Variants in FAM234B observed in about 807,000 individuals in gnomAD.
The protein encoded by FAM234B is family with sequence similarity 234 member B, also known as protein FAM234B.
FAM234B carries 33 observed loss-of-function variants against 69.3 expected under a neutral mutation model. The observed-to-expected ratio is 0.48, with a 90% confidence interval of 0.36 to 0.64. The LOEUF is 0.64. Among genes scored for constraint, FAM234B ranks in the 30% least tolerant of loss-of-function variants. The pLI is 0.00. For synonymous variants in FAM234B, 306 were observed against 306.9 expected (o/e 1.00, Z 0.03); for missense variants, 697 against 769.7 (o/e 0.91, Z 1.12).
chr12:13,057,059 G>T (rs1864937959), intron 2 of FAM234B, among the ~76,000 whole-genome samples: 1 of 151,024 alleles, frequency 6.6e-6, no homozygotes, highest in Non-Finnish European at 1.5e-5. Flanking sequence ...CTTACTGCAG[G>T]CTTCACCTCC....
chr12:13,075,761 T>G (rs1281033764), intron 10 of FAM234B, among the ~76,000 whole-genome samples: 1 of 152,004 alleles, frequency 6.6e-6, no homozygotes. Flanking sequence ...AGGCCTGCCT[T>G]CCTTTTTTTT....
chr12:13,068,569 G>C lies in FAM234B; in HGVS notation c.1287-61G>C, dbSNP rs899878668. The C allele has an allele frequency of 1.9e-6, 3 of 1,582,912 alleles. No individual in the cohort carries two copies. In the African/African-American group the frequency reaches 4.1e-5, roughly 21 times the overall value. ...GCCAGTGCAAGAGAAGGGAGGGAGAGTTCTTAGTTTTCCTGTTTTTCTTGT... is the reference window on the plus strand; with the variant it reads ...GCCAGTGCAAGAGAAGGGAGGGAGACTTCTTAGTTTTCCTGTTTTTCTTGT... On this transcript the variant is annotated intron_variant, in intron 8 of 12. Transcript: ENST00000197268.
At chr12:13,066,918 C>T (rs1865045784) in intron 6 of FAM234B, 131 bp downstream of exon 6, 1 of 1,060,740 alleles carries the variant, frequency 9.4e-7, no homozygotes, top group African/African-American at 1.6e-5. Flanking sequence ...GCAGGGGCCT[C>T]TTACTGTCCC....
In FAM234B at chr12:13,079,379, A is replaced by T. The variant is rs575928275; in HGVS notation, c.1643-410A>T. 7.9e-5 allele frequency among the ~76,000 whole-genome samples: 12 copies of T among 152,354 alleles called. No homozygotes were observed. In the South Asian group the frequency reaches 2.5e-3, roughly 32 times the overall value. ...TGGATCCCTTCCTTACACCTTATAC[A>T]ACTTGTATTTTAAAGATAAGGCAAA... is the stretch of plus-strand genomic sequence containing the variant. On this transcript the variant is annotated intron_variant, in intron 11 of 12. Coordinates refer to ENST00000197268, the MANE Select transcript of FAM234B (RefSeq NM_020853.2).
chr12:13,050,776 A>C (rs1864867621), intron 1 of FAM234B, among the ~76,000 whole-genome samples: 1 of 152,250 alleles, frequency 6.6e-6, no homozygotes, highest in Non-Finnish European at 1.5e-5. Context: ...GGATTAAATG[A>C]ATTAACACAT....
rs1345183637 is a variant in FAM234B at position 13,049,231 on chromosome 12, G to C, written c.37+4791G>C. Among the ~76,000 whole-genome samples, 3 of 152,230 alleles carry C rather than the reference G, an allele frequency of 2.0e-5. No homozygotes were observed. The East Asian group carries it at 5.8e-4, about 29-fold the overall frequency. ...GTCTTGTTCTGTCGCCCAGGCTGGA[G>C]TGCAGTGGCATGGTCTCGACTCACT... On this transcript the variant is annotated intron_variant, in intron 1 of 12. Transcript: ENST00000197268.
intron 1 of FAM234B, among the ~76,000 whole-genome samples, chr12:13,047,385 G>A (rs58669330): frequency 0.012 from 1,845 of 152,210 alleles, 33 homozygotes; most frequent in African/African-American, 0.042. Context: ...GTCTTTATAT[G>A]CCCTTGGGTA....
At chr12:13,048,400 A>G (rs1055077527) in intron 1 of FAM234B, among the ~76,000 whole-genome samples, 2 of 152,076 alleles carry the variant, frequency 1.3e-5, no homozygotes, top group Non-Finnish European at 2.9e-5. Context: ...ATTCTTCTGA[A>G]TCAGTTTTTC....
At chr12:13,062,532 C>G (rs572135578) in intron 4 of FAM234B, 2 of 228,212 alleles carry the variant, frequency 8.8e-6, no homozygotes, top group Non-Finnish European at 8.7e-6. Flanking sequence ...GTTATAATCT[C>G]TAACAGACAG....
intron 1 of FAM234B, among the ~76,000 whole-genome samples, chr12:13,052,393 G>C (rs900168845): frequency 6.6e-6 from 1 of 151,622 alleles, no homozygotes; most frequent in African/African-American, 2.4e-5. Context: ...CTCTAGAGTT[G>C]AGAACTCTGT....
At chr12:13,049,158 T>G (rs1443468981) in intron 1 of FAM234B, among the ~76,000 whole-genome samples, 3 of 152,342 alleles carry the variant, frequency 2.0e-5, no homozygotes, top group Non-Finnish European at 4.4e-5. Flanking sequence ...CTACCTCACA[T>G]AGTTGTTATG....
At chr12:13,046,151 C>G (rs918042677) in intron 1 of FAM234B, among the ~76,000 whole-genome samples, 1 of 94,902 alleles carries the variant, frequency 1.1e-5, no homozygotes, top group Non-Finnish European at 2.0e-5. Flanking sequence ...TGTTCACTTG[C>G]GTCTACGGCC....
At chr12:13,054,386 C>T (rs924792754) in intron 1 of FAM234B, among the ~76,000 whole-genome samples, 1 of 152,188 alleles carries the variant, frequency 6.6e-6, no homozygotes, top group African/African-American at 2.4e-5. Flanking sequence ...CAGCTGGTCC[C>T]TCCATTTGGG....
chr12:13,046,516 A>G (rs1449768107), intron 1 of FAM234B, among the ~76,000 whole-genome samples: 1 of 151,724 alleles, frequency 6.6e-6, no homozygotes, highest in African/African-American at 2.4e-5. Flanking sequence ...GCTGGAGTGC[A>G]ATTGTGTGAT....
Position 13,079,965 on chromosome 12 carries a change from C to G in FAM234B, c.1819C>G (p.Arg607Gly), listed in dbSNP as rs753921297. The change falls in exon 12 of 13, where the codon CGA becomes GGA. Residue 607 changes from arginine (R) to glycine (G), a missense_variant. By Grantham distance (125) the Arg-to-Gly change is moderately radical. Coordinates refer to ENST00000197268, the MANE Select transcript of FAM234B (RefSeq NM_020853.2). ...CCCCAAAATTGGCCGTGGGGAGCTG[C>G]GAAGATTTCTCTCTAGGATAAAGTT... Reference protein sequence around the residue: ...STPKIGRGELRRFLSRIKFVE... With the variant: ...STPKIGRGELGRFLSRIKFVE... 22 of 1,611,748 alleles carry G rather than the reference C, an allele frequency of 1.4e-5. 2 individuals are homozygous for G. In the South Asian group the frequency reaches 2.4e-4, roughly 18 times the overall value.
At position 13,076,084 on chromosome 12, in the gene FAM234B, C is replaced by T. The variant is rs763425851; in HGVS notation, c.1583C>T (p.Ala528Val). 23 of 1,614,060 alleles carry T rather than the reference C, an allele frequency of 1.4e-5. No homozygotes were observed. Among genetic ancestry groups the T allele is most frequent in the South Asian group, 5.5e-5 (5 of 91,092 alleles). ...CACCACCTTTACCTCCTGCATCCTG[C>T]GTTCCCCTCCATCCTTCTGGATCTG... Reference protein sequence around the residue: ...SLHHLYLLHPAFPSILLDLAN... With the variant: ...SLHHLYLLHPVFPSILLDLAN... Residue 528 changes from alanine to valine, a missense_variant, in exon 11 of 13, where the codon GCG becomes GTG. Coordinates refer to ENST00000197268, the MANE Select transcript of FAM234B (RefSeq NM_020853.2).
At chr12:13,050,122 C>G (rs1157930579) in intron 1 of FAM234B, among the ~76,000 whole-genome samples, 1 of 152,118 alleles carries the variant, frequency 6.6e-6, no homozygotes, top group African/African-American at 2.4e-5. Flanking sequence ...CTTTGTTTTG[C>G]CAGTTATCAA....
intron 3 of FAM234B, 122 bp downstream of exon 3, chr12:13,058,671 T>G: frequency 2.5e-6 from 2 of 807,816 alleles, no homozygotes; most frequent in Admixed American, 4.0e-5. Context: ...GTTACCATGG[T>G]TCTGGCATAC....
At chr12:13,045,377 C>G (rs1864796564) in intron 1 of FAM234B, among the ~76,000 whole-genome samples, 1 of 152,126 alleles carries the variant, frequency 6.6e-6, no homozygotes, top group South Asian at 2.1e-4. Flanking sequence ...AAGCATTAAG[C>G]TATAAACATT....
Sources: gnomAD v4.1 joint callset for allele counts (sites outside exome capture counted in the v4.1 genomes callset) on GRCh38, gnomAD v4.1.1 for gene constraint, MANE v1.5 for transcripts, NCBI Gene and HGNC (gene_info 2026-07-23, HGNC 2026-07-21) for gene names.